The following ITCH variants were observed in gnomAD, a reference collection of about 807,000 sequenced individuals.
ITCH encodes E3 ubiquitin-protein ligase Itchy homolog.
A neutral mutation model predicts 126.8 loss-of-function variants in ITCH; 28 were observed. The ratio of observed to expected loss-of-function variants is 0.22; its 90% CI spans 0.16 to 0.30. ITCH has a LOEUF of 0.30. ITCH is among the 10% of genes least tolerant of loss of function. The pLI, the probability that ITCH is intolerant of heterozygous loss-of-function variation, is 1.00. For synonymous variants in ITCH, 342 were observed against 340.0 expected, an observed-to-expected ratio of 1.01 and a Z score of -0.06; for missense variants, 631 against 1,032.4, an observed-to-expected ratio of 0.61 and a Z score of 5.33.
chr20:34,453,489 T>A (rs997230327), intron 12 of ITCH, among the ~76,000 whole-genome samples: 3 of 152,004 alleles, frequency 2.0e-5, no homozygotes, highest in Non-Finnish European at 2.9e-5. Context: ...TCCAGCTACT[T>A]GGGTGGCTGA....
At chr20:34,463,875 G>A (rs758070945) in intron 14 of ITCH, among the ~76,000 whole-genome samples, 5 of 151,044 alleles carry the variant, frequency 3.3e-5, no homozygotes, top group Non-Finnish European at 5.9e-5. Context: ...TACATGATTT[G>A]CAATTATTTT....
intron 20 of ITCH, among the ~76,000 whole-genome samples, chr20:34,484,427 A>C (rs978015273): frequency 1.3e-5 from 2 of 152,192 alleles, no homozygotes; most frequent in African/African-American, 4.8e-5. Context: ...TCCTTTTAAA[A>C]GTTTATTTTG....
At chr20:34,454,464 A>G (rs1460915991) in intron 12 of ITCH, 1 of 152,014 alleles carries the variant, frequency 6.6e-6, no homozygotes, top group Non-Finnish European at 1.5e-5. Flanking sequence ...ACAGCCTTTG[A>G]GTTGGTGATA....
At chr20:34,441,592 T>TTTTTTTTC (rs1185292647) in intron 9 of ITCH, 1 of 14,460 alleles carries the variant, frequency 6.9e-5, no homozygotes, top group Non-Finnish European at 1.4e-4. Flanking sequence ...GCCCAGCTAA[T>TTTTTTTTC]TTTTTTTTTT....
chr20:34,494,532 G>A (rs1236827537), intron 23 of ITCH, among the ~76,000 whole-genome samples: 8 of 152,084 alleles, frequency 5.3e-5, no homozygotes, highest in Admixed American at 5.2e-4. Context: ...TACACATTTA[G>A]GGGTACAGTT....
chr20:34,486,664 A>T (rs796894495), intron 20 of ITCH, among the ~76,000 whole-genome samples: 9 of 109,060 alleles, frequency 8.3e-5, no homozygotes, highest in South Asian at 2.9e-4. Context: ...TATTTTATTT[A>T]TTTTATTTAT....
At chr20:34,386,526 C>T (rs1451807796) in intron 2 of ITCH, among the ~76,000 whole-genome samples, 1 of 152,160 alleles carries the variant, frequency 6.6e-6, no homozygotes, top group Non-Finnish European at 1.5e-5. Context: ...CTGAATACCA[C>T]TATATACTTT....
chr20:34,484,962 G>C (rs967372500), intron 20 of ITCH, among the ~76,000 whole-genome samples: 1 of 152,194 alleles, frequency 6.6e-6, no homozygotes, highest in East Asian at 1.9e-4. Flanking sequence ...AGCCCCAGAG[G>C]TAGGTAACCA....
intron 2 of ITCH, among the ~76,000 whole-genome samples, chr20:34,372,675 C>G (rs909600939): frequency 1.3e-5 from 2 of 151,994 alleles, no homozygotes; most frequent in African/African-American, 4.8e-5. Flanking sequence ...CCACCGTACC[C>G]GGCCTTTTAA....
chr20:34,489,166 A>AT (rs1411049976), intron 20 of ITCH, 100 bp from the exon 21 acceptor site: 31 of 985,618 alleles, frequency 3.1e-5, no homozygotes, highest in Non-Finnish European at 4.3e-5. Context: ...TTTTGAATAT[A>AT]TTTTAAGTTT....
rs376852815 is a variant in ITCH at position 34,480,843 on chromosome 20, A to G, written c.1952+111A>G. ...ATAATTGGTTTATTGTATTTAAATG[A>G]TCTATATATCAAACCTGTCTTTTTA... On this transcript the variant is annotated intron_variant, in intron 19 of 24. Transcript: ENST00000374864. 1.7e-5 allele frequency: 17 copies of G among 1,017,034 alleles called. No individual in the cohort carries two copies. In the South Asian group the frequency reaches 2.1e-4, roughly 13 times the overall value. The allele number at this position is 1,017,034 out of a possible 1,614,324, so 63.0% of individuals were successfully genotyped here. A position where few individuals can be genotyped will look rare whatever the true frequency, so the allele number is the denominator to read the frequency against.
At chr20:34,504,253 C>A in intron 23 of ITCH, 78 bp from the exon 24 acceptor site, 1 of 1,048,740 alleles carries the variant, frequency 9.5e-7, no homozygotes, top group Non-Finnish European at 1.5e-6. Context: ...CCTCATGATG[C>A]TGATGCTTGT....
intron 7 of ITCH, among the ~76,000 whole-genome samples, chr20:34,424,813 A>AT (rs1429435226): frequency 1.3e-5 from 2 of 152,168 alleles, no homozygotes; most frequent in African/African-American, 4.8e-5. Flanking sequence ...CAGAGCCATC[A>AT]TTGGGCTGTT....
intron 6 of ITCH, among the ~76,000 whole-genome samples, chr20:34,420,306 A>G (rs1980588915): frequency 6.6e-6 from 1 of 152,210 alleles, no homozygotes; most frequent in Non-Finnish European, 1.5e-5. Flanking sequence ...TTGCCTATTC[A>G]GGATATATCA....
chr20:34,452,135 A>G (rs1165380501), intron 12 of ITCH, among the ~76,000 whole-genome samples: 1 of 152,088 alleles, frequency 6.6e-6, no homozygotes, highest in Non-Finnish European at 1.5e-5. Context: ...ATGGTCAGAA[A>G]CAAAACTGTT....
chr20:34,488,389 G>A (rs528191421), intron 20 of ITCH, among the ~76,000 whole-genome samples: 10 of 152,136 alleles, frequency 6.6e-5, no homozygotes, highest in African/African-American at 1.4e-4. Context: ...TCCTCATGTC[G>A]TAGAGACAAA....
At chr20:34,403,111 G>C (rs574563248) in intron 3 of ITCH, among the ~76,000 whole-genome samples, 1 of 152,198 alleles carries the variant, frequency 6.6e-6, no homozygotes, top group African/African-American at 2.4e-5. Flanking sequence ...TTCCAAAGAG[G>C]TAGCTGTTGC....
chr20:34,436,596 C>G (rs528170202), intron 7 of ITCH, among the ~76,000 whole-genome samples: 1 of 152,318 alleles, frequency 6.6e-6, no homozygotes, highest in South Asian at 2.1e-4. Context: ...GGTGTTCCCT[C>G]TATTATAAGC....
At chr20:34,379,547 C>T (rs1439963876) in intron 2 of ITCH, among the ~76,000 whole-genome samples, 2 of 151,176 alleles carry the variant, frequency 1.3e-5, no homozygotes, top group African/African-American at 4.9e-5. Flanking sequence ...GTGAATTTAG[C>T]TATTCTAGGC....
Sources: allele counts gnomAD v4.1 joint callset (sites outside exome capture counted in the v4.1 genomes callset), GRCh38; gene constraint gnomAD v4.1.1; transcripts MANE v1.5; gene names NCBI Gene and HGNC (gene_info 2026-07-23, HGNC 2026-07-21).